The following CHN1 variants were observed in gnomAD, a reference collection of about 807,000 sequenced individuals.
CHN1 encodes the protein N-chimaerin.
Under a neutral mutation model 59.5 loss-of-function variants are expected in CHN1, and 37 were observed. The ratio of observed to expected loss-of-function variants is 0.62; its 90% CI spans 0.48 to 0.82. The LOEUF is 0.82. CHN1 is among the 40% of genes least tolerant of loss of function. The pLI is 0.00. For missense variants in CHN1, 469 were observed against 571.0 expected (o/e 0.82, Z 1.82); for synonymous variants, 206 against 200.4 (o/e 1.03, Z -0.24).
chr2:174,938,873 A>G (rs535666808), intron 3 of CHN1, among the ~76,000 whole-genome samples: 69 of 152,260 alleles, frequency 4.5e-4, no homozygotes, highest in African/African-American at 1.6e-3. Context: ...ATTTTTAAAT[A>G]TAAACAAACA....
At chr2:174,858,493 A>C (rs1466557119) in intron 6 of CHN1, among the ~76,000 whole-genome samples, 2 of 152,176 alleles carry the variant, frequency 1.3e-5, no homozygotes, top group Non-Finnish European at 2.9e-5. Context: ...CAGATGTGTT[A>C]ATTGTCCACT....
chr2:174,867,408 T>G lies in CHN1; in HGVS notation c.549+10432A>C, dbSNP rs549492536. 4.6e-5 allele frequency among the ~76,000 whole-genome samples: 7 copies of G among 151,850 alleles called. No individual in the cohort carries two copies. The South Asian group carries it at 8.3e-4, about 18-fold the overall frequency. The stretch of plus-strand genomic sequence containing the variant: ...AAAAAAAAAGATTACTTCAGGAAGA[T>G]TTATTGTTAAACATAGACAGTATAG... On this transcript the variant is annotated intron_variant, in intron 6 of 12. Transcript: ENST00000409900.
At chr2:174,827,661 G>C (rs1365884270) in intron 7 of CHN1, among the ~76,000 whole-genome samples, 3 of 152,210 alleles carry the variant, frequency 2.0e-5, no homozygotes, top group Non-Finnish European at 4.4e-5. Context: ...GTAGGGTGGT[G>C]CTATGGCAGT....
intron 1 of CHN1, among the ~76,000 whole-genome samples, chr2:174,971,801 G>A (rs1427162886): frequency 6.6e-6 from 1 of 152,172 alleles, no homozygotes; most frequent in Non-Finnish European, 1.5e-5. Context: ...TATAATAAAG[G>A]AATGCTAAGT....
intron 1 of CHN1, among the ~76,000 whole-genome samples, chr2:174,956,566 C>T (rs1014392326): frequency 2.0e-5 from 3 of 151,764 alleles, no homozygotes; most frequent in Non-Finnish European, 2.9e-5. Flanking sequence ...AGGTGAGGAA[C>T]TCGAGACCAG....
chr2:174,943,748 C>A (rs1325638795), intron 3 of CHN1, among the ~76,000 whole-genome samples: 1 of 152,028 alleles, frequency 6.6e-6, no homozygotes, highest in Non-Finnish European at 1.5e-5. Context: ...TAATTATTAT[C>A]ATAATTATTT....
At chr2:174,937,785 C>T (rs1689540976) in intron 3 of CHN1, among the ~76,000 whole-genome samples, 1 of 152,022 alleles carries the variant, frequency 6.6e-6, no homozygotes, top group South Asian at 2.1e-4. Context: ...GCACCTCATC[C>T]TATTAATATT....
chr2:174,954,056 T>C (rs892199776), intron 1 of CHN1, among the ~76,000 whole-genome samples: 9 of 152,162 alleles, frequency 5.9e-5, no homozygotes, highest in Non-Finnish European at 8.8e-5. Context: ...TATAAGGCCA[T>C]AGTTACCAAA....
intron 10 of CHN1, among the ~76,000 whole-genome samples, chr2:174,809,920 G>A (rs1039999137): frequency 5.9e-5 from 9 of 152,264 alleles, no homozygotes; most frequent in African/African-American, 2.2e-4. Flanking sequence ...ATGTAGCAGA[G>A]GTATAATGGC....
At chr2:174,961,528 T>A (rs954615989) in intron 1 of CHN1, among the ~76,000 whole-genome samples, 1 of 151,014 alleles carries the variant, frequency 6.6e-6, no homozygotes, top group Non-Finnish European at 1.5e-5. Flanking sequence ...GAGGCGGAGG[T>A]TGCAGTGAGG....
At position 174,952,343 on chromosome 2, in the gene CHN1, G is replaced by T. The variant is rs188721864; in HGVS notation, c.20-141C>A. 3.0e-3 allele frequency: 1,332 copies of T among 445,738 alleles called. 2 individuals carry two copies. The highest frequency in any genetic ancestry group is 3.6e-3 in the Non-Finnish European group (919 of 255,360). The allele number at this position is 445,738 out of a possible 1,614,324, so 27.6% of individuals were successfully genotyped here. A position where few individuals can be genotyped will look rare whatever the true frequency, so the allele number is the denominator to read the frequency against. Reference sequence around the variant, plus strand: ...GCTAGGCACTAAGGGGCATTCAAGGGTTTTTTTTTAGTCTTGGTCCTTACT... The same window carrying T: ...GCTAGGCACTAAGGGGCATTCAAGGTTTTTTTTTTAGTCTTGGTCCTTACT... On this transcript the variant is annotated intron_variant, in intron 1 of 12. Coordinates refer to ENST00000409900, the MANE Select transcript of CHN1 (RefSeq NM_001822.7).
chr2:174,884,629 G>C (rs1392921261), intron 5 of CHN1, among the ~76,000 whole-genome samples: 2 of 152,168 alleles, frequency 1.3e-5, no homozygotes, highest in Non-Finnish European at 2.9e-5. Context: ...TAGACAATGT[G>C]TGTGATTATA....
chr2:174,868,053 G>A (rs1687284426), intron 6 of CHN1, among the ~76,000 whole-genome samples: 1 of 152,124 alleles, frequency 6.6e-6, no homozygotes, highest in South Asian at 2.1e-4. Context: ...TTGAATGGTG[G>A]AGCTATAAGT....
chr2:174,831,106 C>T (rs1204116461), intron 7 of CHN1, among the ~76,000 whole-genome samples: 1 of 152,120 alleles, frequency 6.6e-6, no homozygotes, highest in Non-Finnish European at 1.5e-5. Flanking sequence ...CAGGGCAATA[C>T]AGTAATTTAG....
intron 5 of CHN1, among the ~76,000 whole-genome samples, chr2:174,913,988 AT>A: frequency 6.6e-6 from 1 of 152,382 alleles, no homozygotes; most frequent in Non-Finnish European, 1.5e-5. Flanking sequence ...ACGGATAAAT[AT>A]TCCAAGCCTT....
chr2:174,958,489 T>C (rs1370485270), intron 1 of CHN1, among the ~76,000 whole-genome samples: 5 of 152,178 alleles, frequency 3.3e-5, no homozygotes, highest in Admixed American at 6.5e-5. Context: ...TGTGCAAAGC[T>C]GCACCTATGA....
intron 4 of CHN1, among the ~76,000 whole-genome samples, chr2:174,915,529 G>A (rs187500326): frequency 2.1e-4 from 30 of 143,244 alleles, no homozygotes; most frequent in African/African-American, 7.2e-4. Context: ...AAAAAAAAAC[G>A]CAGAAAATGT....
chr2:174,840,050 G>C (rs1488540302), intron 7 of CHN1, among the ~76,000 whole-genome samples: 1 of 150,612 alleles, frequency 6.6e-6, no homozygotes, highest in East Asian at 1.9e-4. Flanking sequence ...AGGCAGAGAT[G>C]TCATTTGTAT....
chr2:174,977,127 A>G lies in CHN1; in HGVS notation c.20-24925T>C, dbSNP rs187558906. On this transcript the variant is annotated intron_variant, in intron 1 of 12. Transcript: ENST00000409900. Reference sequence around the variant, plus strand: ...TTCTGTGAAGTTTCAGAAAGTAGATATTTTAGGCTGCAAAACAAACCCGCC... The same window carrying G: ...TTCTGTGAAGTTTCAGAAAGTAGATGTTTTAGGCTGCAAAACAAACCCGCC... Among the ~76,000 whole-genome samples, 426 of 152,228 alleles carry G rather than the reference A, an allele frequency of 2.8e-3. 1 individual carries two copies. The highest frequency in any genetic ancestry group is 9.6e-3 in the African/African-American group (401 of 41,562).
Sources: allele counts gnomAD v4.1 joint callset (sites outside exome capture counted in the v4.1 genomes callset), GRCh38; gene constraint gnomAD v4.1.1; transcripts MANE v1.5; gene names NCBI Gene and HGNC (gene_info 2026-07-23, HGNC 2026-07-21).